Variants in GMDS observed in about 807,000 individuals in gnomAD.
GMDS encodes GDP-mannose 4,6 dehydratase.
Under a neutral mutation model 49.9 loss-of-function variants are expected in GMDS, and 20 were observed. The observed-to-expected ratio is 0.40, with a 90% CI of 0.28 to 0.58. GMDS has a LOEUF of 0.58. GMDS is among the 20% of genes least tolerant of loss of function. The pLI, the probability that GMDS is intolerant of heterozygous loss-of-function variation, is 0.42. For synonymous variants in GMDS, 177 were observed against 178.6 expected (o/e 0.99, Z 0.07); for missense variants, 362 against 481.4 (o/e 0.75, Z 2.32).
At chr6:1,906,168 T>C (rs529822314) in intron 7 of GMDS, among the ~76,000 whole-genome samples, 19 of 152,252 alleles carry the variant, frequency 1.2e-4, no homozygotes, top group Non-Finnish European at 2.5e-4. Context: ...AGAGAAGTGC[T>C]ATCACATTTC....
chr6:2,041,035 A>G (rs1581559528), intron 4 of GMDS, among the ~76,000 whole-genome samples: 1 of 152,206 alleles, frequency 6.6e-6, no homozygotes, highest in African/African-American at 2.4e-5. Context: ...GAACCTTGTA[A>G]TAGATGAGAA....
chr6:1,789,023 T>G (rs917610505), intron 7 of GMDS, among the ~76,000 whole-genome samples: 1 of 152,052 alleles, frequency 6.6e-6, no homozygotes, highest in Non-Finnish European at 1.5e-5. Flanking sequence ...GTCTCCACCT[T>G]AAGTTTCATA....
intron 7 of GMDS, among the ~76,000 whole-genome samples, chr6:1,893,973 GT>G (rs1248800458): frequency 6.6e-6 from 1 of 152,180 alleles, no homozygotes; most frequent in Non-Finnish European, 1.5e-5. Context: ...GGAAAATCTG[GT>G]TTCTCTTACT....
intron 1 of GMDS, among the ~76,000 whole-genome samples, chr6:2,132,636 A>T (rs1390217858): frequency 2.0e-5 from 3 of 152,198 alleles, no homozygotes; most frequent in African/African-American, 7.2e-5. Context: ...AAAGCTATGA[A>T]ATACTACCAC....
At chr6:1,698,288 C>T (rs553813718) in intron 9 of GMDS, among the ~76,000 whole-genome samples, 7 of 152,274 alleles carry the variant, frequency 4.6e-5, no homozygotes, top group Non-Finnish European at 7.4e-5. Flanking sequence ...TGTGAGGTAG[C>T]GCTGGAGACA....
At chr6:1,996,300 T>C (rs1766276682) in intron 4 of GMDS, among the ~76,000 whole-genome samples, 1 of 152,104 alleles carries the variant, frequency 6.6e-6, no homozygotes, top group South Asian at 2.1e-4. Flanking sequence ...GTTTCCTCAC[T>C]GGGAGTGCAT....
At chr6:1,664,179 A>G (rs1184654334) in intron 9 of GMDS, among the ~76,000 whole-genome samples, 1 of 152,218 alleles carries the variant, frequency 6.6e-6, no homozygotes, top group Non-Finnish European at 1.5e-5. Flanking sequence ...TACTGCAAAA[A>G]TCAACTCTTG....
intron 4 of GMDS, among the ~76,000 whole-genome samples, chr6:2,028,379 A>C (rs1484341368): frequency 6.6e-6 from 1 of 152,256 alleles, no homozygotes; most frequent in African/African-American, 2.4e-5. Context: ...CATCTACCAG[A>C]ACTCTAAAAT....
chr6:2,218,002 T>A (rs2127587676), intron 1 of GMDS, among the ~76,000 whole-genome samples: 1 of 152,330 alleles, frequency 6.6e-6, no homozygotes. Context: ...AAACAACTGC[T>A]CTCGGGCTCC....
intron 4 of GMDS, among the ~76,000 whole-genome samples, chr6:2,113,473 C>G (rs1383207536): frequency 6.6e-6 from 1 of 151,866 alleles, no homozygotes; most frequent in Non-Finnish European, 1.5e-5. Flanking sequence ...TCTCCTCATA[C>G]TGGTTCTGCT....
At chr6:1,971,491 A>G (rs1232146312) in intron 4 of GMDS, among the ~76,000 whole-genome samples, 1 of 152,246 alleles carries the variant, frequency 6.6e-6, no homozygotes, top group Admixed American at 6.5e-5. Context: ...CAAATGTGAC[A>G]TCTTTGTTTG....
chr6:1,643,452 T>G (rs1763394649), intron 9 of GMDS, among the ~76,000 whole-genome samples: 1 of 152,232 alleles, frequency 6.6e-6, no homozygotes, highest in Non-Finnish European at 1.5e-5. Flanking sequence ...CATGCCTTCC[T>G]CGGCTCCCAT....
At chr6:1,642,245 C>A (rs1259730913) in intron 9 of GMDS, among the ~76,000 whole-genome samples, 1 of 148,908 alleles carries the variant, frequency 6.7e-6, no homozygotes, top group East Asian at 2.0e-4. Context: ...CGGCTCACTG[C>A]AACCTCCACC....
At chr6:1,721,837 A>G (rs1426253791) in intron 9 of GMDS, among the ~76,000 whole-genome samples, 1 of 152,138 alleles carries the variant, frequency 6.6e-6, no homozygotes, top group African/African-American at 2.4e-5. Context: ...ATATTTACAC[A>G]ATATTTCTGT....
At chr6:1,849,538 C>T (rs1757560033) in intron 7 of GMDS, among the ~76,000 whole-genome samples, 1 of 152,138 alleles carries the variant, frequency 6.6e-6, no homozygotes, top group African/African-American at 2.4e-5. Flanking sequence ...TGCTGACTTG[C>T]TAATAAACGC....
At chr6:2,113,353 C>T (rs1774658138) in intron 4 of GMDS, among the ~76,000 whole-genome samples, 1 of 152,098 alleles carries the variant, frequency 6.6e-6, no homozygotes, top group Non-Finnish European at 1.5e-5. Context: ...TTAAGCCCTA[C>T]CTCTAGACTC....
intron 2 of GMDS, among the ~76,000 whole-genome samples, chr6:2,123,320 A>G (rs985434719): frequency 6.6e-6 from 1 of 152,164 alleles, no homozygotes; most frequent in African/African-American, 2.4e-5. Context: ...TCCCCCTAAG[A>G]GTGGATCGCA....
intron 6 of GMDS, among the ~76,000 whole-genome samples, chr6:1,945,618 A>G (rs1169561706): frequency 1.3e-5 from 2 of 152,094 alleles, no homozygotes; most frequent in African/African-American, 4.8e-5. Context: ...TGTGAACCCA[A>G]TATTCTTCAC....
chr6:1,990,962 T>C (rs1382309212), intron 4 of GMDS, among the ~76,000 whole-genome samples: 1 of 152,172 alleles, frequency 6.6e-6, no homozygotes, highest in Admixed American at 6.5e-5. Flanking sequence ...AACTTGTGGA[T>C]GTTAATATTA....
Sources: allele counts gnomAD v4.1 joint callset (sites outside exome capture counted in the v4.1 genomes callset), GRCh38; gene constraint gnomAD v4.1.1; transcripts MANE v1.5; gene names NCBI Gene and HGNC (gene_info 2026-07-23, HGNC 2026-07-21).